UBE2U: variants seen among roughly 807,000 people sequenced by gnomAD.
UBE2U encodes ubiquitin conjugating enzyme E2 U, also known as ubiquitin-conjugating enzyme E2 U.
Under a neutral mutation model 41.2 loss-of-function variants are expected in UBE2U, and 39 were observed. The ratio of observed to expected loss-of-function variants is 0.95; its 90% confidence interval spans 0.73 to 1.24. The LOEUF (loss-of-function observed/expected upper bound fraction) is 1.24, where lower values mean the gene tolerates loss of function less well. Ranked by LOEUF, UBE2U falls within the 50% of genes most tolerant of loss-of-function variation. The pLI is 0.00. For synonymous variants in UBE2U, 107 were observed against 117.8 expected (o/e 0.91, Z 0.60); for missense variants, 336 against 363.1 (o/e 0.93, Z 0.61).
At position 64,229,011 on chromosome 1, in the gene UBE2U, C is replaced by A. The variant is rs1245871118; in HGVS notation, c.507-3550C>A. On this transcript the variant is annotated intron_variant, in intron 6 of 9. Transcript: ENST00000371077. ...GAGTAGCTGGGATTACAGGCACACG[C>A]CATCATGCTCAGCTTATTTTTGTAT... Among the ~76,000 whole-genome samples the A allele has an allele frequency of 5.9e-5, 9 of 152,144 alleles. No homozygotes were observed. The East Asian group carries it at 1.7e-3, about 29-fold the overall frequency.
intron 9 of UBE2U, among the ~76,000 whole-genome samples, chr1:64,262,321 C>T (rs1390732635): frequency 1.3e-5 from 2 of 152,174 alleles, no homozygotes; most frequent in East Asian, 1.9e-4. Context: ...TGGTTTAAAA[C>T]AACACACATT....
chr1:64,222,160 G>T (rs1652537232), intron 6 of UBE2U, among the ~76,000 whole-genome samples: 1 of 150,560 alleles, frequency 6.6e-6, no homozygotes, highest in Non-Finnish European at 1.5e-5. Flanking sequence ...AAAAATTGCA[G>T]AAAGGTAAGC....
At chr1:64,260,755 T>C (rs1028888466) in intron 9 of UBE2U, 61 bp downstream of exon 9, 2 of 1,326,608 alleles carry the variant, frequency 1.5e-6, no homozygotes, top group East Asian at 2.5e-5. Flanking sequence ...ATAATATGCA[T>C]AACTTTAAAC....
chr1:64,240,069 A>T (rs1162313771), intron 7 of UBE2U, among the ~76,000 whole-genome samples: 1 of 152,182 alleles, frequency 6.6e-6, no homozygotes, highest in East Asian at 1.9e-4. Context: ...ATCTTATATG[A>T]ATTTGATTGA....
chr1:64,239,162 AGAAG>A lies in UBE2U; in HGVS notation c.596-2489_596-2486del, dbSNP rs201895112. Reference sequence around the variant, plus strand: ...AGAAGAAGAAGAAGAAGAAGAAAGAAGAAGAAGAAGAAGAAGAAGAAGAAGAAGA... The same window carrying A: ...AGAAGAAGAAGAAGAAGAAGAAAGAAAAGAAGAAGAAGAAGAAGAAGAAGA... On this transcript the variant is annotated intron_variant, in intron 7 of 9. Transcript: ENST00000371077. 9.2e-4 allele frequency among the ~76,000 whole-genome samples: 45 copies of A among 49,022 alleles called. 2 individuals carry two copies. In the East Asian group the frequency reaches 0.042, roughly 46 times the overall value. The allele number at this position is 49,022 out of a possible 152,430, so 32.2% of individuals were successfully genotyped here.
At chr1:64,249,748 A>G (rs1369329706) in intron 8 of UBE2U, among the ~76,000 whole-genome samples, 2 of 152,062 alleles carry the variant, frequency 1.3e-5, no homozygotes, top group African/African-American at 4.8e-5. Flanking sequence ...AAAAAGACTG[A>G]AAAGAAACGA....
At chr1:64,220,426 C>A (rs1182111985) in intron 5 of UBE2U, among the ~76,000 whole-genome samples, 1 of 152,146 alleles carries the variant, frequency 6.6e-6, no homozygotes, top group Non-Finnish European at 1.5e-5. Context: ...GTCTCTCTGG[C>A]CCAGTTTTTC....
At chr1:64,235,760 A>T (rs1191058853) in intron 7 of UBE2U, among the ~76,000 whole-genome samples, 3 of 152,188 alleles carry the variant, frequency 2.0e-5, no homozygotes, top group Non-Finnish European at 4.4e-5. Flanking sequence ...TCATCATAAT[A>T]GTAAGTTTAT....
At chr1:64,251,192 CAT>C (rs1645005680) in intron 8 of UBE2U, among the ~76,000 whole-genome samples, 1 of 149,534 alleles carries the variant, frequency 6.7e-6, no homozygotes, top group South Asian at 2.1e-4. Context: ...ATATATATAA[CAT>C]ATATAATATA....
intron 8 of UBE2U, among the ~76,000 whole-genome samples, chr1:64,245,357 T>C (rs761442083): frequency 6.6e-6 from 1 of 152,154 alleles, no homozygotes; most frequent in Non-Finnish European, 1.5e-5. Flanking sequence ...TTTCGAGTGT[T>C]CTTGGTTGTG....
chr1:64,224,680 G>A (rs911332822), intron 6 of UBE2U, among the ~76,000 whole-genome samples: 3 of 150,526 alleles, frequency 2.0e-5, no homozygotes, highest in Non-Finnish European at 4.4e-5. Context: ...CCGAGATTGC[G>A]CCATTGCACT....
At chr1:64,238,732 G>T (rs1284965666) in intron 7 of UBE2U, among the ~76,000 whole-genome samples, 1 of 151,888 alleles carries the variant, frequency 6.6e-6, no homozygotes, top group African/African-American at 2.4e-5. Context: ...AAAGGGGTAA[G>T]TTCATCATTA....
At chr1:64,211,402 C>T (rs533382267) in intron 4 of UBE2U, among the ~76,000 whole-genome samples, 2 of 152,250 alleles carry the variant, frequency 1.3e-5, no homozygotes, top group South Asian at 4.2e-4. Flanking sequence ...GACCCATGGT[C>T]CTTAGAAGCA....
chr1:64,234,038 C>T (rs1644621045), intron 7 of UBE2U, among the ~76,000 whole-genome samples: 1 of 152,216 alleles, frequency 6.6e-6, no homozygotes, highest in African/African-American at 2.4e-5. Context: ...GTCCTCTCTA[C>T]TTACTCTCTC....
At chr1:64,231,187 C>T (rs1644557404) in intron 6 of UBE2U, among the ~76,000 whole-genome samples, 1 of 152,066 alleles carries the variant, frequency 6.6e-6, no homozygotes, top group Non-Finnish European at 1.5e-5. Context: ...TTGAACAGGA[C>T]ACCCTGGGAA....
chr1:64,210,167 A>C (rs1450661181), intron 3 of UBE2U, among the ~76,000 whole-genome samples: 1 of 152,234 alleles, frequency 6.6e-6, no homozygotes, highest in Non-Finnish European at 1.5e-5. Context: ...AAGAAAATCA[A>C]ATAGTCATTT....
intron 8 of UBE2U, among the ~76,000 whole-genome samples, chr1:64,254,668 A>G (rs1028546497): frequency 6.6e-6 from 1 of 152,226 alleles, no homozygotes; most frequent in African/African-American, 2.4e-5. Context: ...ATGCTCTTGA[A>G]TGACTCCTGG....
chr1:64,210,818 C>A lies in UBE2U; in HGVS notation c.318C>A (p.Ser106Arg). 1 of 1,605,272 alleles carries A rather than the reference C, an allele frequency of 6.2e-7. No homozygotes were observed. Among genetic ancestry groups the A allele is most frequent in the South Asian group, 1.1e-5 (1 of 89,752 alleles). Residue 106 changes from serine (S) to arginine (R), a missense_variant, in exon 4 of 10, where the codon AGC (serine) becomes AGA (arginine). Physicochemically the swap from Ser to Arg is moderately radical, Grantham distance 110. Transcript: ENST00000371077. Reference protein sequence around the residue: ...PEKWNTNYTLSSILLALQVML... With the variant: ...PEKWNTNYTLRSILLALQVML... ...AGTGGAATACAAACTATACATTGAG[C>A]AGCATCTTACTTGCCCTACAGGTAA...
intron 8 of UBE2U, among the ~76,000 whole-genome samples, chr1:64,246,130 CT>C (rs141568464): frequency 0.23 from 33,974 of 150,876 alleles, 4,003 homozygotes; most frequent in Middle Eastern, 0.35. Context: ...AATGTTAGTT[CT>C]TTTTTTTCTT....
Sources: gnomAD v4.1 joint callset for allele counts (sites outside exome capture counted in the v4.1 genomes callset) on GRCh38, gnomAD v4.1.1 for gene constraint, MANE v1.5 for transcripts, NCBI Gene and HGNC (gene_info 2026-07-23, HGNC 2026-07-21) for gene names.